TBC1D30: variants seen among roughly 807,000 people sequenced by gnomAD.
TBC1D30 encodes the protein TBC1 domain family, member 30.
Under a neutral mutation model 63.2 loss-of-function variants are expected in TBC1D30, and 31 were observed. The ratio of observed to expected loss-of-function variants is 0.49; its 90% CI spans 0.37 to 0.66. TBC1D30 has a LOEUF of 0.66. Among genes scored for constraint, TBC1D30 ranks in the 30% least tolerant of loss-of-function variants. The pLI is 0.00. For synonymous variants in TBC1D30, 307 were observed against 361.5 expected (o/e 0.85, Z 1.71); for missense variants, 810 against 953.6 (o/e 0.85, Z 1.98).
chr12:64,766,102 G>T (rs1870704505), intron 1 of TBC1D30, among the ~76,000 whole-genome samples: 1 of 152,010 alleles, frequency 6.6e-6, no homozygotes, highest in African/African-American at 2.4e-5. Flanking sequence ...AAACAATATG[G>T]GGGGGAGATA....
At chr12:64,813,416 A>C (rs917645362) in intron 2 of TBC1D30, among the ~76,000 whole-genome samples, 1 of 150,668 alleles carries the variant, frequency 6.6e-6, no homozygotes, top group Admixed American at 6.6e-5. Context: ...ACAACAACAA[A>C]AGAAAACCCC....
intron 8 of TBC1D30, among the ~76,000 whole-genome samples, chr12:64,852,596 C>T (rs1014465006): frequency 1.3e-5 from 2 of 152,084 alleles, no homozygotes; most frequent in African/African-American, 2.4e-5. Context: ...GGTCTTTTTG[C>T]GCTGGTTTTC....
chr12:64,782,922 C>T (rs897159522), intron 1 of TBC1D30, among the ~76,000 whole-genome samples: 2 of 152,208 alleles, frequency 1.3e-5, no homozygotes, highest in African/African-American at 4.8e-5. Flanking sequence ...CACACACTAA[C>T]ATGCTCCCTC....
At position 64,843,342 on chromosome 12, in the gene TBC1D30, C is replaced by A; in HGVS notation, c.933-38C>A. ...ATGTACTGTTACACAGCATGGATGC[C>A]CTAAACAAGTTGTATTTTCTGTCCT... is the stretch of plus-strand genomic sequence containing the variant. On this transcript the variant is annotated intron_variant, in intron 7 of 11. Transcript: ENST00000539867. 2.6e-6 allele frequency: 4 copies of A among 1,514,536 alleles called. No individual in the cohort carries two copies. In the South Asian group the frequency reaches 3.6e-5, roughly 14 times the overall value. The allele number at this position is 1,514,536 out of a possible 1,614,324, so 93.8% of individuals were successfully genotyped here. A position where few individuals can be genotyped will look rare whatever the true frequency, so the allele number is the denominator to read the frequency against.
At chr12:64,814,998 T>A (rs917515674) in intron 2 of TBC1D30, among the ~76,000 whole-genome samples, 1 of 152,214 alleles carries the variant, frequency 6.6e-6, no homozygotes, top group Non-Finnish European at 1.5e-5. Flanking sequence ...TAAATTCCTC[T>A]TATCCCCAAA....
chr12:64,826,932 G>C (rs2136359062), intron 1 of TBC1D30, among the ~76,000 whole-genome samples: 1 of 152,238 alleles, frequency 6.6e-6, no homozygotes, highest in East Asian at 1.9e-4. Context: ...TAAAAGACCA[G>C]TCTACTTGAT....
chr12:64,843,479 C>G lies in TBC1D30; in HGVS notation c.1032C>G (p.Leu344=). ...ATGATCTTCTGCAAAGCCATGAACT[C>G]ATGCAGGTGAGTCGGCAACATGGAG... ...LENDLLQSHE[L]MQTVYSMAPF... is the part of the protein sequence containing the mutation. The change falls in exon 8 of 12, where the codon CTC becomes CTG. Residue 344 remains leucine, a synonymous_variant. Coordinates refer to ENST00000539867, the MANE Select transcript of TBC1D30 (RefSeq NM_015279.2). 14 of 1,535,914 alleles carry G rather than the reference C, an allele frequency of 9.1e-6. No individual in the cohort carries two copies. Among genetic ancestry groups the G allele is most frequent in the Non-Finnish European group, 1.2e-5 (14 of 1,146,728 alleles).
chr12:64,854,269 A>G (rs1345083290), intron 8 of TBC1D30, among the ~76,000 whole-genome samples: 1 of 151,930 alleles, frequency 6.6e-6, no homozygotes, highest in Non-Finnish European at 1.5e-5. Context: ...ATTTGAGGTT[A>G]CCACGACACT....
intron 10 of TBC1D30, 80 bp downstream of exon 10, chr12:64,866,983 C>G: frequency 6.9e-7 from 1 of 1,446,474 alleles, no homozygotes; most frequent in South Asian, 1.3e-5. Flanking sequence ...CCTATAGATG[C>G]CCCAGTAACT....
At chr12:64,762,495 T>C (rs1462598535) in intron 1 of TBC1D30, among the ~76,000 whole-genome samples, 2 of 152,202 alleles carry the variant, frequency 1.3e-5, no homozygotes, top group South Asian at 2.1e-4. Flanking sequence ...GCCTGAAGTT[T>C]ATGTGCATTT....
At chr12:64,780,889 G>A (rs1021215157) in exon 1 of TBC1D30, 2 of 1,026,050 alleles carry the variant, frequency 1.9e-6, no homozygotes, top group Non-Finnish European at 2.4e-6. Flanking sequence ...GCGAGGCGAG[G>A]CTGGAGAGTC....
intron 8 of TBC1D30, among the ~76,000 whole-genome samples, chr12:64,851,819 CT>C (rs972534941): frequency 3.9e-5 from 6 of 152,256 alleles, no homozygotes; most frequent in African/African-American, 1.2e-4. Context: ...GCTGAATATT[CT>C]TTTCTTTAAG....
chr12:64,787,853 C>T (rs1845372), intron 2 of TBC1D30, among the ~76,000 whole-genome samples: 151,757 of 152,302 alleles, frequency 1, 75,608 homozygotes, highest in East Asian at 1. Context: ...CTCGCCAACA[C>T]GGTGAAACCC....
At chr12:64,806,726 C>A (rs1872895199) in intron 2 of TBC1D30, among the ~76,000 whole-genome samples, 1 of 152,178 alleles carries the variant, frequency 6.6e-6, no homozygotes, top group South Asian at 2.1e-4. Flanking sequence ...ATTTGCACAT[C>A]CACGTTCATA....
In TBC1D30 at chr12:64,772,135, G is replaced by A. The variant is rs979176834; in HGVS notation, c.-376+12486G>A. Among the ~76,000 whole-genome samples the A allele has an allele frequency of 9.3e-5, 14 of 151,160 alleles. No individual in the cohort carries two copies. The East Asian group carries it at 2.6e-3, about 28-fold the overall frequency. ...CTGGGCGTGGTGGCACATGCCCGAG[G>A]CTGAGGCAGGAGAATCGCTTGAACC... On this transcript the variant is annotated intron_variant, in intron 1 of 13. Transcript: ENST00000674237.
intron 5 of TBC1D30, 51 bp from the exon 6 acceptor site, chr12:64,836,439 G>T: frequency 7.0e-7 from 1 of 1,437,308 alleles, no homozygotes. Flanking sequence ...AGGACGTGTT[G>T]GGATCCCAGT....
At position 64,824,697 on chromosome 12, in the gene TBC1D30, C is replaced by T. The variant is rs940642931; in HGVS notation, c.-183C>T. 5.3e-6 allele frequency: 4 copies of T among 757,424 alleles called. No homozygotes were observed. Among genetic ancestry groups the T allele is most frequent in the Admixed American group, 3.2e-5 (1 of 30,964 alleles). The allele number at this position is 757,424 out of a possible 1,614,324, so 46.9% of individuals were successfully genotyped here. A position where few individuals can be genotyped will look rare whatever the true frequency, so the allele number is the denominator to read the frequency against. On this transcript the variant is annotated 5_prime_UTR_variant, in exon 1 of 12. Coordinates refer to ENST00000539867, the MANE Select transcript of TBC1D30 (RefSeq NM_015279.2). ...TGCCTGCTGGCTTCCCTGCGCTCGG[C>T]GGCTCCCGCGGTGCCCCGTAAGTCC...
intron 1 of TBC1D30, among the ~76,000 whole-genome samples, chr12:64,772,540 C>T (rs1405827562): frequency 6.6e-6 from 1 of 152,084 alleles, no homozygotes; most frequent in African/African-American, 2.4e-5. Flanking sequence ...AGCAATTCTT[C>T]TGCCTCAGCT....
At chr12:64,809,342 A>G (rs1873070277) in intron 2 of TBC1D30, among the ~76,000 whole-genome samples, 1 of 151,948 alleles carries the variant, frequency 6.6e-6, no homozygotes, top group Non-Finnish European at 1.5e-5. Context: ...AAGGGAGAAC[A>G]TATGATATTT....
Sources: gnomAD v4.1 joint callset for allele counts (sites outside exome capture counted in the v4.1 genomes callset) on GRCh38, gnomAD v4.1.1 for gene constraint, MANE v1.5 for transcripts, NCBI Gene and HGNC (gene_info 2026-07-23, HGNC 2026-07-21) for gene names.